Variants in NTRK2 observed in about 807,000 individuals in gnomAD.
NTRK2 encodes the protein neurotrophic receptor tyrosine kinase 2, also known as BDNF/NT-3 growth factors receptor.
A neutral mutation model predicts 94.5 loss-of-function variants in NTRK2; 13 were observed. The observed-to-expected ratio is 0.14, with a 90% CI of 0.09 to 0.22. NTRK2 has a LOEUF of 0.22. Ranked by LOEUF, NTRK2 falls within the 10% of genes least tolerant of loss-of-function variation. The pLI is 1.00. For missense variants in NTRK2, 639 were observed against 1,071.2 expected, an observed-to-expected ratio of 0.60 and a Z score of 5.63; for synonymous variants, 372 against 407.4, an observed-to-expected ratio of 0.91 and a Z score of 1.05.
At chr9:84,770,481 T>C (rs377184540) in intron 12 of NTRK2, among the ~76,000 whole-genome samples, 51 of 152,274 alleles carry the variant, frequency 3.3e-4, no homozygotes, top group East Asian at 2.7e-3. Context: ...GAGCCCCTCC[T>C]TAATAAATCA....
chr9:84,926,083 CCCTTCCTT>C (rs71499838), intron 14 of NTRK2, among the ~76,000 whole-genome samples: 1 of 148,946 alleles, frequency 6.7e-6, no homozygotes, highest in Admixed American at 6.7e-5. Flanking sequence ...CTCTTTCTTT[CCCTTCCTT>C]CCTTCCTTCC....
At chr9:84,900,145 T>C (rs1417254660) in intron 14 of NTRK2, among the ~76,000 whole-genome samples, 1 of 152,160 alleles carries the variant, frequency 6.6e-6, no homozygotes, top group Non-Finnish European at 1.5e-5. Flanking sequence ...CCAGTTTCAT[T>C]AGTGTCAGGA....
At chr9:84,864,742 T>C (rs948744423) in intron 13 of NTRK2, among the ~76,000 whole-genome samples, 33 of 132,830 alleles carry the variant, frequency 2.5e-4, no homozygotes, top group African/African-American at 9.1e-4. Flanking sequence ...TTTTCTTTTT[T>C]TTTTTTTTTT....
chr9:84,902,100 G>A (rs2076946450), intron 14 of NTRK2, among the ~76,000 whole-genome samples: 2 of 151,832 alleles, frequency 1.3e-5, no homozygotes, highest in South Asian at 4.2e-4. Context: ...GAAGGTTGAG[G>A]CAGGAGAATT....
intron 14 of NTRK2, among the ~76,000 whole-genome samples, chr9:84,871,541 G>A (rs2075867056): frequency 6.6e-6 from 1 of 152,162 alleles, no homozygotes; most frequent in African/African-American, 2.4e-5. Flanking sequence ...TACTTGCATA[G>A]TTTGGCTTTA....
intron 12 of NTRK2, among the ~76,000 whole-genome samples, chr9:84,851,477 A>G (rs752615821): frequency 6.6e-6 from 1 of 152,224 alleles, no homozygotes; most frequent in African/African-American, 2.4e-5. Flanking sequence ...ATAAGTGTGT[A>G]TAATCCTGTT....
chr9:84,753,603 G>C (rs746110990), intron 12 of NTRK2, among the ~76,000 whole-genome samples: 1 of 152,144 alleles, frequency 6.6e-6, no homozygotes, highest in Non-Finnish European at 1.5e-5. Context: ...CCACAGCTTT[G>C]CACACATTTT....
At chr9:84,902,508 G>T (rs1286481144) in intron 14 of NTRK2, among the ~76,000 whole-genome samples, 1 of 152,110 alleles carries the variant, frequency 6.6e-6, no homozygotes, top group Non-Finnish European at 1.5e-5. Flanking sequence ...ACTTTTGGGA[G>T]AAATCTTCAT....
intron 12 of NTRK2, among the ~76,000 whole-genome samples, chr9:84,766,372 T>TTTG (rs200006182): frequency 5.9e-5 from 9 of 151,958 alleles, no homozygotes; most frequent in South Asian, 2.1e-4. Context: ...ATTTAGGAGT[T>TTTG]TTGTTGTTGT....
At chr9:84,673,773 C>G (rs1169611898) in intron 2 of NTRK2, among the ~76,000 whole-genome samples, 1 of 152,134 alleles carries the variant, frequency 6.6e-6, no homozygotes, top group African/African-American at 2.4e-5. Flanking sequence ...TATTAAAAAT[C>G]TTCCCATCAC....
intron 12 of NTRK2, among the ~76,000 whole-genome samples, chr9:84,841,097 T>G (rs1395086997): frequency 6.6e-6 from 1 of 152,182 alleles, no homozygotes; most frequent in Non-Finnish European, 1.5e-5. Context: ...GGGGATTTTA[T>G]CCAGTCTCAT....
intron 17 of NTRK2, among the ~76,000 whole-genome samples, chr9:84,956,910 A>G (rs909403874): frequency 1.3e-5 from 2 of 152,048 alleles, no homozygotes; most frequent in African/African-American, 4.8e-5. Flanking sequence ...GGCAAAAAGG[A>G]ATAGAGACCA....
At chr9:84,977,792 C>A (rs191092063) in intron 17 of NTRK2, among the ~76,000 whole-genome samples, 4 of 152,144 alleles carry the variant, frequency 2.6e-5, no homozygotes, top group African/African-American at 9.7e-5. Context: ...TCAAGAAAGC[C>A]TATCAGTGCC....
intron 12 of NTRK2, among the ~76,000 whole-genome samples, chr9:84,778,139 T>A (rs926632214): frequency 2.6e-5 from 4 of 152,102 alleles, no homozygotes; most frequent in Non-Finnish European, 5.9e-5. Context: ...GGCGGGCACC[T>A]GTCGTCCCAG....
chr9:84,952,716 G>A (rs1449295502), intron 16 of NTRK2, among the ~76,000 whole-genome samples: 3 of 152,068 alleles, frequency 2.0e-5, no homozygotes, highest in Non-Finnish European at 4.4e-5. Context: ...TATAAACAGG[G>A]GAAATTACTT....
At chr9:84,985,613 G>A (rs1005908244) in intron 17 of NTRK2, among the ~76,000 whole-genome samples, 17 of 152,328 alleles carry the variant, frequency 1.1e-4, no homozygotes, top group African/African-American at 3.6e-4. Flanking sequence ...AAATGTTATT[G>A]TGATAGCTTT....
chr9:84,976,451 C>T (rs555831542), intron 17 of NTRK2, among the ~76,000 whole-genome samples: 3 of 152,196 alleles, frequency 2.0e-5, no homozygotes, highest in African/African-American at 2.4e-5. Flanking sequence ...AGGAATTTGG[C>T]GGGGACATAA....
At chr9:84,773,553 G>A (rs1282545494) in intron 12 of NTRK2, among the ~76,000 whole-genome samples, 1 of 152,188 alleles carries the variant, frequency 6.6e-6, no homozygotes, top group East Asian at 1.9e-4. Flanking sequence ...AGTTTAGTAA[G>A]TAGTAGGTTC....
At chr9:84,668,660 C>G (rs895941696), upstream of NTRK2, 1 of 152,250 alleles carries the variant, frequency 6.6e-6, no homozygotes, top group African/African-American at 2.4e-5. Context: ...CTAATTTGTC[C>G]CTAGTGAGAC....
Sources: allele counts gnomAD v4.1 joint callset (sites outside exome capture counted in the v4.1 genomes callset), GRCh38; gene constraint gnomAD v4.1.1; transcripts MANE v1.5; gene names NCBI Gene and HGNC (gene_info 2026-07-23, HGNC 2026-07-21).